Variants in NALCN observed in about 807,000 individuals in gnomAD.
NALCN encodes the protein sodium leak channel NALCN.
A neutral mutation model predicts 225.3 loss-of-function variants in NALCN; 111 were observed. That is an observed-to-expected ratio of 0.49 (90% CI 0.42 to 0.58). The LOEUF (loss-of-function observed/expected upper bound fraction) is 0.58. Among genes scored for constraint, NALCN ranks in the 20% least tolerant of loss-of-function variants. The pLI, the probability that NALCN is intolerant of heterozygous loss-of-function variation, is 0.00. For synonymous variants in NALCN, 764 were observed against 769.0 expected, an observed-to-expected ratio of 0.99 and a Z score of 0.11; for missense variants, 1,378 against 2,202.4, an observed-to-expected ratio of 0.63 and a Z score of 7.49.
At position 101,345,281 on chromosome 13, in the gene NALCN, C is replaced by T. The variant is rs2045683062; in HGVS notation, c.784G>A (p.Gly262Ser). 1.2e-6 allele frequency: 2 copies of T among 1,613,256 alleles called. No individual in the cohort carries two copies. Among genetic ancestry groups the T allele is most frequent in the Admixed American group, 3.3e-5 (2 of 59,970 alleles). The change falls in exon 7 of 44, where the codon GGC (glycine) becomes AGC (serine). Residue 262 changes from glycine (G) to serine (S), a missense_variant. Coordinates refer to ENST00000251127, the MANE Select transcript of NALCN (RefSeq NM_052867.4). ...GLSRQELGYSGFNEIGTSIFT... is the reference protein window; with the variant it reads ...GLSRQELGYSSFNEIGTSIFT... ...TAAGACAGACCTATCTCATTAAAGC[C>T]ACTGTAGCCCAGCTCTTGCCTGCTA...
chr13:101,203,160 A>T (rs996407831), intron 13 of NALCN, among the ~76,000 whole-genome samples: 2 of 152,234 alleles, frequency 1.3e-5, no homozygotes, highest in African/African-American at 4.8e-5. Context: ...TCTGCCTTAA[A>T]AATATTGTCC....
At chr13:101,367,829 A>G (rs72654878) in intron 6 of NALCN, among the ~76,000 whole-genome samples, 5,296 of 152,094 alleles carry the variant, frequency 0.035, 119 homozygotes, top group Middle Eastern at 0.051. Context: ...TTGGCAGTTC[A>G]TTATGGTCTT....
In NALCN at chr13:101,392,328, C is replaced by A. The variant is rs552239575; in HGVS notation, c.291+2855G>T. Among the ~76,000 whole-genome samples, 162 of 151,978 alleles carry A rather than the reference C, an allele frequency of 1.1e-3. 1 individual carries two copies. Among genetic ancestry groups the A allele is most frequent in the African/African-American group, 3.7e-3 (155 of 41,462 alleles). Reference sequence around the variant, plus strand: ...AAATAGAATAAAAATGTATGTTGACCCAGTAGGGATTTTTCTTTATCGGAA... The same window carrying A: ...AAATAGAATAAAAATGTATGTTGACACAGTAGGGATTTTTCTTTATCGGAA... On this transcript the variant is annotated intron_variant, in intron 3 of 43. Transcript: ENST00000251127.
At chr13:101,294,492 T>A (rs1014643217) in intron 7 of NALCN, among the ~76,000 whole-genome samples, 8 of 151,986 alleles carry the variant, frequency 5.3e-5, no homozygotes, top group African/African-American at 1.2e-4. Flanking sequence ...AAGAGATTAT[T>A]TTCTCTTATT....
intron 6 of NALCN, among the ~76,000 whole-genome samples, chr13:101,370,082 T>A (rs1396260621): frequency 1.3e-5 from 2 of 152,224 alleles, no homozygotes; most frequent in African/African-American, 4.8e-5. Flanking sequence ...AACCATGCCT[T>A]CAATAAATAG....
chr13:101,074,442 A>T, intron 36 of NALCN, 72 bp downstream of exon 36: 8 of 1,372,580 alleles, frequency 5.8e-6, no homozygotes, highest in Non-Finnish European at 7.7e-6. Context: ...GACAAAAAAC[A>T]TTTGTTTATT....
intron 13 of NALCN, among the ~76,000 whole-genome samples, chr13:101,195,387 T>A (rs2039848161): frequency 6.6e-6 from 1 of 152,260 alleles, no homozygotes; most frequent in Admixed American, 6.5e-5. Context: ...CAGTTTTAAA[T>A]TTCAGTGTGG....
chr13:101,316,592 A>G (rs984243978), intron 7 of NALCN, among the ~76,000 whole-genome samples: 3 of 152,236 alleles, frequency 2.0e-5, no homozygotes, highest in Admixed American at 6.5e-5. Flanking sequence ...AAGTTCAAAC[A>G]TCAAATTTTT....
intron 27 of NALCN, among the ~76,000 whole-genome samples, chr13:101,096,005 A>C (rs2034481382): frequency 6.6e-6 from 1 of 152,170 alleles, no homozygotes; most frequent in Non-Finnish European, 1.5e-5. Flanking sequence ...CAAAACCATA[A>C]TGATATATCA....
chr13:101,316,019 G>C (rs1419806709), intron 7 of NALCN, among the ~76,000 whole-genome samples: 1 of 152,010 alleles, frequency 6.6e-6, no homozygotes, highest in Non-Finnish European at 1.5e-5. Flanking sequence ...CAGTGTGTTC[G>C]ACTTGGAAGA....
intron 13 of NALCN, among the ~76,000 whole-genome samples, chr13:101,217,247 G>T (rs2040771083): frequency 6.6e-6 from 1 of 152,134 alleles, no homozygotes; most frequent in Non-Finnish European, 1.5e-5. Context: ...AAAGACTGTG[G>T]TTGTTCTTGC....
intron 7 of NALCN, among the ~76,000 whole-genome samples, chr13:101,318,310 A>G (rs1223896536): frequency 6.6e-6 from 1 of 152,184 alleles, no homozygotes; most frequent in African/African-American, 2.4e-5. Context: ...CATGGTGCAC[A>G]GCCAGACACG....
chr13:101,136,638 C>A (rs1405189029), intron 17 of NALCN, among the ~76,000 whole-genome samples: 1 of 152,178 alleles, frequency 6.6e-6, no homozygotes, highest in Non-Finnish European at 1.5e-5. Context: ...ATGAACTCAT[C>A]CTTTTTTATG....
At chr13:101,207,877 T>C (rs1184318918) in intron 13 of NALCN, among the ~76,000 whole-genome samples, 2 of 152,308 alleles carry the variant, frequency 1.3e-5, no homozygotes, top group African/African-American at 2.4e-5. Context: ...GCTCACTCTT[T>C]GGGTCCGCAC....
chr13:101,385,523 A>G (rs2046963516), intron 3 of NALCN, among the ~76,000 whole-genome samples: 1 of 152,190 alleles, frequency 6.6e-6, no homozygotes, highest in African/African-American at 2.4e-5. Context: ...TTTGCCCCAG[A>G]ATCACTATGA....
intron 10 of NALCN, among the ~76,000 whole-genome samples, chr13:101,262,444 A>G (rs1350498923): frequency 1.3e-5 from 2 of 152,152 alleles, no homozygotes; most frequent in Non-Finnish European, 2.9e-5. Flanking sequence ...AAGCAGACCT[A>G]TGGAAAGGAA....
chr13:101,245,875 G>A (rs2041880562), intron 11 of NALCN, among the ~76,000 whole-genome samples: 1 of 152,128 alleles, frequency 6.6e-6, no homozygotes, highest in Non-Finnish European at 1.5e-5. Context: ...CCAGACACTT[G>A]CCTAGGAATG....
intron 7 of NALCN, among the ~76,000 whole-genome samples, chr13:101,344,230 G>A (rs2045646288): frequency 6.6e-6 from 1 of 152,190 alleles, no homozygotes; most frequent in African/African-American, 2.4e-5. Context: ...AGTTGGATAA[G>A]TTTAAGAGAG....
intron 10 of NALCN, among the ~76,000 whole-genome samples, chr13:101,261,890 C>A (rs1010378502): frequency 4.6e-5 from 7 of 152,128 alleles, no homozygotes; most frequent in Non-Finnish European, 1.0e-4. Flanking sequence ...TGTTGAATAA[C>A]AGAGGTGATA....
Sources: gnomAD v4.1 joint callset for allele counts (sites outside exome capture counted in the v4.1 genomes callset) on GRCh38, gnomAD v4.1.1 for gene constraint, MANE v1.5 for transcripts, NCBI Gene and HGNC (gene_info 2026-07-23, HGNC 2026-07-21) for gene names.